The following DSP variants were observed in gnomAD, a reference collection of about 807,000 sequenced individuals.
The protein encoded by DSP is 250/210 kDa paraneoplastic pemphigus antigen.
Under a neutral mutation model 290.6 loss-of-function variants are expected in DSP, and 114 were observed. That is an observed-to-expected ratio of 0.39 (90% CI 0.34 to 0.46). The LOEUF (loss-of-function observed/expected upper bound fraction) is 0.46, where lower values mean the gene tolerates loss of function less well. DSP is among the 20% of genes least tolerant of loss of function. The pLI, the probability that DSP is intolerant of heterozygous loss-of-function variation, is 0.99. For synonymous variants in DSP, 1,311 were observed against 1,316.4 expected (o/e 1.00, Z 0.09); for missense variants, 3,230 against 3,495.8 (o/e 0.92, Z 1.92).
chr6:7,569,941 T>A (rs1362128509), intron 12 of DSP, among the ~76,000 whole-genome samples: 1 of 152,248 alleles, frequency 6.6e-6, no homozygotes, highest in Non-Finnish European at 1.5e-5. Flanking sequence ...GAAAATCAGT[T>A]GTTATACATG....
Position 7,580,193 on chromosome 6 carries a change from CAGG to C in DSP, c.4010_4012del (p.Glu1337del), listed in dbSNP as rs1250616315. On this transcript the variant is annotated inframe_deletion, in exon 23 of 24. Coordinates refer to ENST00000379802, the MANE Select transcript of DSP (RefSeq NM_004415.4). The surrounding 1 kb of genome is among the most constrained non-coding windows in gnomAD (Gnocchi z 4.2). ...GATCGAGAGACTCAAAGCTGAGTTT[CAGG>C]AGGAGGCCAAGCGCCGCTGGGAATA... The C allele has an allele frequency of 6.2e-7, 1 of 1,613,986 alleles. No homozygotes were observed.
At chr6:7,560,183 T>A (rs1434336317) in intron 4 of DSP, among the ~76,000 whole-genome samples, 6 of 152,248 alleles carry the variant, frequency 3.9e-5, no homozygotes, top group Admixed American at 3.3e-4. Flanking sequence ...GTTAGAGTGA[T>A]AAGTTGTGGA....
rs2113702492 is a variant in DSP at position 7,584,791 on chromosome 6, G to T, written c.7529G>T (p.Gly2510Val). 2 of 1,614,198 alleles carry T rather than the reference G, an allele frequency of 1.2e-6. No homozygotes were observed. The highest frequency in any genetic ancestry group is 1.6e-4 in the Middle Eastern group (1 of 6,062). ...GAATGGGAAGAAATAACCATCACGG[G>T]ATCAGATGGCTCCACCAGGGTGGTC... ...ECEWEEITIT[G>V]SDGSTRVVLV... The change falls in exon 24 of 24, where the codon GGA becomes GTA. Residue 2510 changes from glycine (G) to valine (V), a missense_variant. Coordinates refer to ENST00000379802, the MANE Select transcript of DSP (RefSeq NM_004415.4). This position sits in a 1 kb window ranked among gnomAD's most constrained non-coding sequence, Gnocchi z 6.4.
intron 2 of DSP, among the ~76,000 whole-genome samples, chr6:7,556,559 AAGGTT>A (rs1317841029): frequency 6.6e-6 from 1 of 152,220 alleles, no homozygotes; most frequent in African/African-American, 2.4e-5. Context: ...CACTGGTATC[AAGGTT>A]ACATCTGGCA....
In DSP at chr6:7,581,156, A is replaced by C. The variant is rs1253722982; in HGVS notation, c.4966A>C (p.Arg1656=). 6.2e-7 allele frequency: 1 copy of C among 1,614,180 alleles called. No individual in the cohort carries two copies. Among genetic ancestry groups the C allele is most frequent in the Admixed American group, 1.7e-5 (1 of 60,026 alleles). ...EKQRTQEELR[R]LSSEVEALRR... ...GCAGAGGACCCAGGAAGAGCTGAGG[A>C]GGCTCTCTTCTGAGGTCGAGGCCCT... Residue 1656 remains arginine (R), a synonymous_variant, in exon 23 of 24, where the codon AGG becomes CGG. Transcript: ENST00000379802.
At position 7,580,060 on chromosome 6, in the gene DSP, T is replaced by C. The variant is rs749737978; in HGVS notation, c.3870T>C (p.His1290=). 4 of 1,613,712 alleles carry C rather than the reference T, an allele frequency of 2.5e-6. No individual in the cohort carries two copies. The East Asian group carries it at 8.9e-5, about 36-fold the overall frequency. Residue 1290 remains histidine (H), a synonymous_variant, in exon 23 of 24, where the codon CAT becomes CAC. Coordinates refer to ENST00000379802, the MANE Select transcript of DSP (RefSeq NM_004415.4). The surrounding 1 kb of genome is among the most constrained non-coding windows in gnomAD (Gnocchi z 4.2). ...CTGAGATAATGCAGAAGAAGCAGCA[T>C]CTGGAGATAGAACTGAAGCAGGTCA... ...CGSEIMQKKQ[H]LEIELKQVMQ...
intron 6 of DSP, among the ~76,000 whole-genome samples, chr6:7,564,458 T>C (rs1758797013): frequency 1.3e-5 from 2 of 152,208 alleles, no homozygotes; most frequent in Non-Finnish European, 2.9e-5. Context: ...CCTATTGGGC[T>C]GGGGTGTGAC....
intron 2 of DSP, 116 bp from the exon 3 acceptor site, chr6:7,558,000 G>A: frequency 7.8e-7 from 1 of 1,289,674 alleles, no homozygotes; most frequent in South Asian, 1.2e-5. Flanking sequence ...CATTTTCACT[G>A]GCGAAACTTA....
In DSP at chr6:7,567,403, C is replaced by T. The variant is rs754577019; in HGVS notation, c.1094C>T (p.Thr365Ile). Residue 365 changes from threonine (T) to isoleucine (I), a missense_variant, in exon 9 of 24, where the codon ACC (threonine) becomes ATC (isoleucine). Thr to Ile is a moderately conservative substitution (Grantham distance 89, BLOSUM62 -1). Coordinates refer to ENST00000379802, the MANE Select transcript of DSP (RefSeq NM_004415.4). ...CAGTGGAGTTGGATTCTTCAGATCA[C>T]CAAGTGCATTGATGTTCATCTGAAA... ...QTQWSWILQI[T>I]KCIDVHLKEN... 6.2e-7 allele frequency: 1 copy of T among 1,614,004 alleles called. No individual in the cohort carries two copies. The highest frequency in any genetic ancestry group is 1.1e-5 in the South Asian group (1 of 91,078).
At chr6:7,581,595 T>C in intron 23 of DSP, 26 bp downstream of exon 23, 1 of 1,609,990 alleles carries the variant, frequency 6.2e-7, no homozygotes. Context: ...TGATCACAGC[T>C]TCACTGTTTC....
chr6:7,559,021 G>T (rs991886044), intron 3 of DSP, among the ~76,000 whole-genome samples: 1 of 152,156 alleles, frequency 6.6e-6, no homozygotes, highest in East Asian at 1.9e-4. Flanking sequence ...ATGCTGTTAC[G>T]CACTTTGAAC....
At chr6:7,550,174 G>C (rs1372791002) in intron 1 of DSP, among the ~76,000 whole-genome samples, 1 of 151,474 alleles carries the variant, frequency 6.6e-6, no homozygotes, top group Non-Finnish European at 1.5e-5. Context: ...AGCCTCCCGA[G>C]TAGCTGGGAC....
intron 5 of DSP, among the ~76,000 whole-genome samples, chr6:7,563,177 C>T (rs1378333342): frequency 6.6e-6 from 1 of 152,154 alleles, no homozygotes; most frequent in African/African-American, 2.4e-5. Context: ...CTGAGCAAAG[C>T]CATATGTCAT....
intron 15 of DSP, among the ~76,000 whole-genome samples, chr6:7,573,752 G>A (rs1759134015): frequency 6.6e-6 from 1 of 152,136 alleles, no homozygotes; most frequent in Non-Finnish European, 1.5e-5. Context: ...GGTGATTACC[G>A]GGGTGGGGAG....
chr6:7,554,123 A>ACACACACACACACACACACACACC (rs1364448993), intron 1 of DSP, among the ~76,000 whole-genome samples: 2 of 150,758 alleles, frequency 1.3e-5, no homozygotes, highest in African/African-American at 4.9e-5. Flanking sequence ...ACACACACAC[A>ACACACACACACACACACACACACC]CACCCAGTTG....
In DSP at chr6:7,582,979, T is replaced by C. The variant is rs1187643735; in HGVS notation, c.5717T>C (p.Ile1906Thr). The C allele has an allele frequency of 1.2e-6, 2 of 1,613,260 alleles. No individual in the cohort carries two copies. Among genetic ancestry groups the C allele is most frequent in the South Asian group, 1.1e-5 (1 of 91,020 alleles). ...RSEIERLQAE[I>T]KRIEERCRRK... is the part of the protein sequence containing the mutation. ...GAGATCGAAAGACTCCAAGCAGAGA[T>C]CAAGAGAATTGAAGAGAGGTGCAGG... The change falls in exon 24 of 24, where the codon ATC becomes ACC. Residue 1906 changes from isoleucine to threonine, a missense_variant. This residue lies in a region of DSP where 1,714 missense variants were observed against 1,844.5 expected (regional missense o/e 0.93). Transcript: ENST00000379802. This position sits in a 1 kb window ranked among gnomAD's most constrained non-coding sequence, Gnocchi z 4.2.
At chr6:7,564,698 A>C (rs1429308493) in intron 6 of DSP, among the ~76,000 whole-genome samples, 1 of 152,252 alleles carries the variant, frequency 6.6e-6, no homozygotes, top group Non-Finnish European at 1.5e-5. Context: ...CCCAACACAC[A>C]GAAAAGATAA....
At chr6:7,558,767 G>C (rs1758583025) in intron 3 of DSP, among the ~76,000 whole-genome samples, 1 of 152,138 alleles carries the variant, frequency 6.6e-6, no homozygotes, top group Non-Finnish European at 1.5e-5. Flanking sequence ...TCCGTCTTGT[G>C]CTTCCCAAAG....
Position 7,542,346 on chromosome 6 carries a change from C to A in DSP, c.170+261C>A, listed in dbSNP as rs1171705751. Among the ~76,000 whole-genome samples the A allele has an allele frequency of 2.0e-5, 3 of 152,150 alleles. No homozygotes were observed. The East Asian group carries it at 5.8e-4, about 29-fold the overall frequency. On this transcript the variant is annotated intron_variant, in intron 1 of 23. Transcript: ENST00000379802. ...AGCCCGGGCGGGTGGTCAGAGGGGGCGTCGGGCCCGCGCGGGGCTGTCCCC... is the reference window on the plus strand; with the variant it reads ...AGCCCGGGCGGGTGGTCAGAGGGGGAGTCGGGCCCGCGCGGGGCTGTCCCC...
Sources: gnomAD v4.1 joint callset for allele counts (sites outside exome capture counted in the v4.1 genomes callset) on GRCh38, gnomAD v4.1.1 for gene constraint, gnomAD v4.1.1 regional missense constraint, Gnocchi (gnomAD v3.1) non-coding constraint, MANE v1.5 for transcripts, NCBI Gene and HGNC (gene_info 2026-07-23, HGNC 2026-07-21) for gene names.